The following PRKCA variants were observed in gnomAD, a reference collection of about 807,000 sequenced individuals.
PRKCA encodes protein kinase C alpha.
Under a neutral mutation model 87.0 loss-of-function variants are expected in PRKCA, and 27 were observed. The observed-to-expected ratio is 0.31, with a 90% CI of 0.23 to 0.43. The LOEUF is 0.43. Ranked by LOEUF, PRKCA falls within the 20% of genes least tolerant of loss-of-function variation. PRKCA has a pLI of 1.00. For missense variants in PRKCA, 518 were observed against 852.3 expected (o/e 0.61, Z 4.88); for synonymous variants, 329 against 311.1 (o/e 1.06, Z -0.61).
intron 3 of PRKCA, among the ~76,000 whole-genome samples, chr17:66,590,198 G>A (rs1969757944): frequency 6.6e-6 from 1 of 152,088 alleles, no homozygotes; most frequent in African/African-American, 2.4e-5. Context: ...AGTTTCAGGA[G>A]GTAGATGTCA....
chr17:66,546,468 T>C (rs1269775866), intron 3 of PRKCA, among the ~76,000 whole-genome samples: 1 of 152,202 alleles, frequency 6.6e-6, no homozygotes, highest in African/African-American at 2.4e-5. Context: ...TTGGCAAGAA[T>C]CTTTCCTTGC....
chr17:66,437,228 C>CT (rs1408168667), intron 2 of PRKCA, among the ~76,000 whole-genome samples: 1 of 152,054 alleles, frequency 6.6e-6, no homozygotes, highest in African/African-American at 2.4e-5. Flanking sequence ...TGGAGAGGAC[C>CT]TTTTTTGGCA....
intron 5 of PRKCA, among the ~76,000 whole-genome samples, chr17:66,665,172 G>T (rs1801609918): frequency 6.6e-6 from 1 of 152,142 alleles, no homozygotes; most frequent in African/African-American, 2.4e-5. Flanking sequence ...TTTGTGCCAA[G>T]CACTATGCCA....
intron 2 of PRKCA, among the ~76,000 whole-genome samples, chr17:66,336,809 A>G: frequency 7.1e-6 from 1 of 140,296 alleles, no homozygotes; most frequent in Non-Finnish European, 1.5e-5. Flanking sequence ...TGTGTTTGAG[A>G]CGGAGTTTCG....
At chr17:66,412,410 C>T (rs1030331092) in intron 2 of PRKCA, among the ~76,000 whole-genome samples, 8 of 152,122 alleles carry the variant, frequency 5.3e-5, no homozygotes, top group Non-Finnish European at 8.8e-5. Flanking sequence ...CTTAAAAGAG[C>T]GACTGACAAA....
intron 8 of PRKCA, among the ~76,000 whole-genome samples, chr17:66,719,113 G>A (rs1229748585): frequency 1.3e-5 from 2 of 152,036 alleles, no homozygotes; most frequent in African/African-American, 2.4e-5. Flanking sequence ...TCTATCCTGG[G>A]GACTTCAAGG....
intron 8 of PRKCA, chr17:66,703,282 A>T (rs1395127716): frequency 2.0e-5 from 3 of 152,200 alleles, no homozygotes; most frequent in Non-Finnish European, 2.9e-5. Flanking sequence ...TTAAAAATTT[A>T]AAATTTTTTT....
At chr17:66,485,665 C>T (rs539968007) in intron 2 of PRKCA, among the ~76,000 whole-genome samples, 1 of 152,184 alleles carries the variant, frequency 6.6e-6, no homozygotes, top group South Asian at 2.1e-4. Flanking sequence ...CTCAGATGTC[C>T]ATACTGCCGG....
At chr17:66,587,893 GTGTATATATATA>G (rs1343064297) in intron 3 of PRKCA, among the ~76,000 whole-genome samples, 8 of 51,636 alleles carry the variant, frequency 1.5e-4, no homozygotes, top group South Asian at 6.3e-4. Context: ...GTGTGTGTGT[GTGTATATATATA>G]TATATATATA....
chr17:66,355,474 G>A (rs985148823), intron 2 of PRKCA, among the ~76,000 whole-genome samples: 20 of 152,308 alleles, frequency 1.3e-4, no homozygotes, highest in African/African-American at 4.6e-4. Flanking sequence ...TTAAATTTCA[G>A]TCTAGTGGCG....
At chr17:66,798,488 A>G (rs1389891369) in intron 16 of PRKCA, among the ~76,000 whole-genome samples, 30 of 1,794 alleles carry the variant, frequency 0.017, no homozygotes, top group Non-Finnish European at 0.023. Context: ...GGTGGTGGTG[A>G]CGGTGGTGGT....
chr17:66,615,302 AATGAGGGTTCTCTT>A (rs1970485861), intron 3 of PRKCA, among the ~76,000 whole-genome samples: 1 of 152,058 alleles, frequency 6.6e-6, no homozygotes, highest in African/African-American at 2.4e-5. Context: ...GCCCAGCTCA[AATGAGGGTTCTCTT>A]ATGAAGGAGG....
Position 66,689,347 on chromosome 17 carries a change from G to A in PRKCA, c.918+300G>A, listed in dbSNP as rs1479656006. Among the ~76,000 whole-genome samples, 1 of 152,156 alleles carries A rather than the reference G, an allele frequency of 6.6e-6. No individual in the cohort carries two copies. The highest frequency in any genetic ancestry group is 1.5e-5 in the Non-Finnish European group (1 of 68,034). ...CACTGGGGAGAGAAGCAGGCTCTGAGGGCAGGATTGTTCTTACAAAGGAGG... is the reference window on the plus strand; with the variant it reads ...CACTGGGGAGAGAAGCAGGCTCTGAAGGCAGGATTGTTCTTACAAAGGAGG... On this transcript the variant is annotated intron_variant, in intron 8 of 16. Coordinates refer to ENST00000413366, the MANE Select transcript of PRKCA (RefSeq NM_002737.3). The surrounding 1 kb of genome is among the most constrained non-coding windows in gnomAD (Gnocchi z 4.1).
intron 1 of PRKCA, among the ~76,000 whole-genome samples, chr17:66,304,331 T>G (rs1182725606): frequency 6.6e-6 from 1 of 152,208 alleles, no homozygotes; most frequent in Admixed American, 6.5e-5. Context: ...ACAAAAGTTT[T>G]GAAAGCTGGA....
chr17:66,387,324 A>G (rs959034273), intron 2 of PRKCA, among the ~76,000 whole-genome samples: 1 of 152,228 alleles, frequency 6.6e-6, no homozygotes, highest in Non-Finnish European at 1.5e-5. Flanking sequence ...CTGGTGAAGC[A>G]GGTTCTGTCA....
At chr17:66,680,449 G>T (rs1190082059) in intron 5 of PRKCA, among the ~76,000 whole-genome samples, 1 of 152,150 alleles carries the variant, frequency 6.6e-6, no homozygotes, top group South Asian at 2.1e-4. Context: ...AGGAGCAGGG[G>T]TGCTCTTAGA....
intron 2 of PRKCA, among the ~76,000 whole-genome samples, chr17:66,422,676 A>T (rs1347901015): frequency 2.6e-5 from 4 of 152,210 alleles, no homozygotes; most frequent in African/African-American, 9.6e-5. Flanking sequence ...AGCATCATGC[A>T]ATCTAGGACA....
chr17:66,642,731 T>A (rs763301287), intron 4 of PRKCA, among the ~76,000 whole-genome samples: 29 of 152,062 alleles, frequency 1.9e-4, no homozygotes, highest in Non-Finnish European at 3.7e-4. Flanking sequence ...TTGTACGGCA[T>A]CACAACCAAA....
intron 16 of PRKCA, among the ~76,000 whole-genome samples, chr17:66,797,359 T>A (rs572221378): frequency 6.6e-6 from 1 of 152,240 alleles, no homozygotes; most frequent in Non-Finnish European, 1.5e-5. Context: ...GTTGCATTCA[T>A]TGAAGTTTGA....
Sources: gnomAD v4.1 joint callset for allele counts (sites outside exome capture counted in the v4.1 genomes callset) on GRCh38, gnomAD v4.1.1 for gene constraint, Gnocchi (gnomAD v3.1) non-coding constraint, MANE v1.5 for transcripts, NCBI Gene and HGNC (gene_info 2026-07-23, HGNC 2026-07-21) for gene names.